The following TRPA1 variants were observed in gnomAD, a reference collection of about 807,000 sequenced individuals.
The protein encoded by TRPA1 is transient receptor potential cation channel subfamily A member 1, also known as ankyrin-like with transmembrane domains 1.
Under a neutral mutation model 131.3 loss-of-function variants are expected in TRPA1, and 129 were observed. That is an observed-to-expected ratio of 0.98 (90% CI 0.85 to 1.14). The LOEUF is 1.14. Among genes scored for constraint, TRPA1 ranks in the 50% most tolerant of loss-of-function variants. TRPA1 has a pLI of 0.00. For missense variants in TRPA1, 1,304 were observed against 1,354.2 expected (o/e 0.96, Z 0.58); for synonymous variants, 441 against 451.7 (o/e 0.98, Z 0.30).
intron 9 of TRPA1, 79 bp from the exon 10 acceptor site, chr8:72,057,096 A>G (rs1437845864): frequency 8.5e-7 from 1 of 1,175,214 alleles, no homozygotes; most frequent in African/African-American, 1.6e-5. Context: ...AACTTAGCAA[A>G]AAAAAATTTG....
At chr8:72,023,624 G>A (rs546635606) in intron 26 of TRPA1, 190 bp downstream of exon 26, 103 of 525,538 alleles carry the variant, frequency 2.0e-4, no homozygotes, top group African/African-American at 1.7e-3. Context: ...CAAACTGATT[G>A]GTGAATAGTG....
chr8:72,057,637 G>A (rs1401963255), intron 9 of TRPA1, 80 bp downstream of exon 9: 4 of 1,072,674 alleles, frequency 3.7e-6, no homozygotes, highest in Non-Finnish European at 4.3e-6. Flanking sequence ...CACAATGAAT[G>A]TTCATTTGGC....
Position 72,065,578 on chromosome 8 carries a change from A to C in TRPA1, c.445-20T>G, listed in dbSNP as rs1319976496. ...CAAGACCTAAAAAAAGGGGAGAATA[A>C]TTGTCAAAATTTTTGCAGATTTCCA... On this transcript the variant is annotated intron_variant, in intron 3 of 26. Coordinates refer to ENST00000262209, the MANE Select transcript of TRPA1 (RefSeq NM_007332.3). 1 of 1,603,350 alleles carries C rather than the reference A, an allele frequency of 6.2e-7. No homozygotes were observed. Among genetic ancestry groups the C allele is most frequent in the African/African-American group, 1.3e-5 (1 of 74,762 alleles).
chr8:72,075,427 C>T lies in TRPA1; in HGVS notation c.-18G>A, dbSNP rs766184936. 8.2e-6 allele frequency: 13 copies of T among 1,587,028 alleles called. No homozygotes were observed. The highest frequency in any genetic ancestry group is 1.1e-5 in the Non-Finnish European group (13 of 1,164,062). On this transcript the variant is annotated 5_prime_UTR_variant, in exon 1 of 27. Coordinates refer to ENST00000262209, the MANE Select transcript of TRPA1 (RefSeq NM_007332.3). ...CGCTTCATTGACCCCACCCCGGACGCCACCTGGTGCAGCTGCTCACCACGC... is the reference window on the plus strand; with the variant it reads ...CGCTTCATTGACCCCACCCCGGACGTCACCTGGTGCAGCTGCTCACCACGC...
In TRPA1 at chr8:72,057,019, T is replaced by C. The variant is rs759843527; in HGVS notation, c.1094-2A>G. On this transcript the variant is annotated splice_acceptor_variant, in intron 9 of 26. Transcript: ENST00000262209. LOFTEE classifies it high-confidence loss of function. Reference sequence around the variant, plus strand: ...TATCTTTTATGTCTACTTGGGCACCTAAAAAAAAACACTATGTAAATATAA... The same window carrying C: ...TATCTTTTATGTCTACTTGGGCACCCAAAAAAAAACACTATGTAAATATAA... The C allele has an allele frequency of 6.4e-7, 1 of 1,564,222 alleles. No individual in the cohort carries two copies. The highest frequency in any genetic ancestry group is 8.7e-7 in the Non-Finnish European group (1 of 1,144,940).
intron 3 of TRPA1, 94 bp downstream of exon 3, chr8:72,068,929 A>G: frequency 7.8e-7 from 1 of 1,278,486 alleles, no homozygotes; most frequent in African/African-American, 1.5e-5. Context: ...GAAGCTTAGA[A>G]GGTGCTCATC....
At chr8:72,052,995 G>GTGTGTGTGTGTGTGTGTGTGTGATAGAT (rs71265966) in intron 13 of TRPA1, 8 of 351,564 alleles carry the variant, frequency 2.3e-5, no homozygotes, top group African/African-American at 2.6e-5. Flanking sequence ...GTGTGTGTGT[G>GTGTGTGTGTGTGTGTGTGTGTGATAGAT]AGAGATAGAG....
At chr8:72,075,134 C>T (rs2278654) in intron 1 of TRPA1, among the ~76,000 whole-genome samples, 165 bp downstream of exon 1, 59,048 of 151,930 alleles carry the variant, frequency 0.39, 12,137 homozygotes, top group East Asian at 0.63. Context: ...AAAGCAGGCG[C>T]TGTGTGGGCG....
At chr8:72,078,079 A>G (rs959606388), upstream of TRPA1, among the ~76,000 whole-genome samples, 2 of 150,706 alleles carry the variant, frequency 1.3e-5, no homozygotes, top group Non-Finnish European at 2.9e-5. Flanking sequence ...ATAACATTTT[A>G]TGAAAAAAAT....
Position 72,056,955 on chromosome 8 carries a change from G to C in TRPA1, c.1156C>G (p.Pro386Ala), listed in dbSNP as rs755719558. The change falls in exon 10 of 27, where the codon CCT (proline) becomes GCT (alanine). Residue 386 changes from proline (P) to alanine (A), a missense_variant. Physicochemically the swap from Pro to Ala is conservative, Grantham distance 27 (BLOSUM62 -1). Coordinates refer to ENST00000262209, the MANE Select transcript of TRPA1 (RefSeq NM_007332.3). ...RNFLHLTVQQPYGLKNLRPEF... is the reference protein window; with the variant it reads ...RNFLHLTVQQAYGLKNLRPEF... ...GGTCGCAGATTTTTTAATCCATAAG[G>C]TTGCTGTACAGTTAAATGCAGAAAA... 1 of 1,609,338 alleles carries C rather than the reference G, an allele frequency of 6.2e-7. No homozygotes were observed. Among genetic ancestry groups the C allele is most frequent in the African/African-American group, 1.3e-5 (1 of 74,804 alleles).
intron 13 of TRPA1, chr8:72,053,216 A>T (rs997514680): frequency 4.9e-6 from 1 of 205,600 alleles, no homozygotes; most frequent in South Asian, 8.6e-5. Context: ...AAGCTTGTAA[A>T]TGTTTTTTAA....
intron 20 of TRPA1, 74 bp from the exon 21 acceptor site, chr8:72,036,531 C>T (rs1033782646): frequency 8.0e-6 from 11 of 1,376,892 alleles, no homozygotes; most frequent in Middle Eastern, 2.4e-4. Flanking sequence ...ACATGCACCC[C>T]GTAATACAAT....
At chr8:72,068,424 T>C (rs1805980076) in intron 3 of TRPA1, among the ~76,000 whole-genome samples, 1 of 152,222 alleles carries the variant, frequency 6.6e-6, no homozygotes, top group Non-Finnish European at 1.5e-5. Context: ...GAACTTACTC[T>C]TACACCTTGA....
At chr8:72,062,701 G>A (rs147171607) in intron 6 of TRPA1, 98 bp downstream of exon 6, 2 of 1,180,050 alleles carry the variant, frequency 1.7e-6, no homozygotes, top group Non-Finnish European at 2.5e-6. Flanking sequence ...TTTCTTGTAT[G>A]TATTTCAATC....
intron 13 of TRPA1, chr8:72,053,009 GA>G: frequency 1.1e-5 from 1 of 92,226 alleles, no homozygotes; most frequent in Admixed American, 1.6e-4. Context: ...GATAGAGAAA[GA>G]GAGAGAGAGA....
chr8:72,050,095 C>T (rs533327128), intron 15 of TRPA1, among the ~76,000 whole-genome samples: 4 of 152,062 alleles, frequency 2.6e-5, no homozygotes, highest in African/African-American at 9.7e-5. Context: ...ACTCCCCTCT[C>T]CCCCCACCCC....
intron 20 of TRPA1, among the ~76,000 whole-genome samples, chr8:72,037,496 T>G (rs1812096819): frequency 6.6e-6 from 1 of 152,070 alleles, no homozygotes; most frequent in Non-Finnish European, 1.5e-5. Flanking sequence ...AAGTAAAAAT[T>G]TTGCTGTAAA....
intron 2 of TRPA1, 152 bp from the exon 3 acceptor site, chr8:72,069,350 G>A (rs1371062516): frequency 7.8e-6 from 6 of 765,790 alleles, no homozygotes; most frequent in Admixed American, 2.2e-5. Context: ...CAGTTCTAAC[G>A]AAACATTTAA....
At chr8:72,078,917 T>G (rs1806238553), upstream of TRPA1, among the ~76,000 whole-genome samples, 1 of 152,032 alleles carries the variant, frequency 6.6e-6, no homozygotes, top group Admixed American at 6.6e-5. Context: ...CTCACAAAAC[T>G]TAGTATTGTC....
Sources: allele counts gnomAD v4.1 joint callset (sites outside exome capture counted in the v4.1 genomes callset), GRCh38; gene constraint gnomAD v4.1.1; transcripts MANE v1.5; gene names NCBI Gene and HGNC (gene_info 2026-07-23, HGNC 2026-07-21).